Variants in TMTC1 observed in about 807,000 individuals in gnomAD.
The protein encoded by TMTC1 is transmembrane O-mannosyltransferase targeting cadherins 1.
In TMTC1, 73 loss-of-function variants were observed where a neutral mutation model predicts 104.8. That is an observed-to-expected ratio of 0.70 (90% CI 0.58 to 0.85). The LOEUF is 0.85. Ranked by LOEUF, TMTC1 falls within the 40% of genes least tolerant of loss-of-function variation. The pLI is 0.00. For missense variants in TMTC1, 1,035 were observed against 1,096.1 expected (o/e 0.94, Z 0.79); for synonymous variants, 434 against 428.7 (o/e 1.01, Z -0.15).
rs76457887 is a variant in TMTC1 at position 29,703,196 on chromosome 12, C to T, written c.938+48470G>A. Among the ~76,000 whole-genome samples, 1,169 of 150,172 alleles carry T rather than the reference C, an allele frequency of 7.8e-3. 13 individuals carry two copies. The highest frequency in any genetic ancestry group is 0.027 in the African/African-American group (1,096 of 41,030). On this transcript the variant is annotated intron_variant, in intron 5 of 17. Coordinates refer to ENST00000539277, the MANE Select transcript of TMTC1 (RefSeq NM_001193451.2). ...ATGACTTGTGCTTGGGGATACACAG[C>T]ATGAACGGGTGGCAGGAAAAAAACA...
intron 7 of TMTC1, among the ~76,000 whole-genome samples, chr12:29,595,334 C>A (rs1565696143): frequency 6.6e-6 from 1 of 152,218 alleles, no homozygotes; most frequent in South Asian, 2.1e-4. Flanking sequence ...GATCTCCAGC[C>A]CACAGGCACC....
chr12:29,748,863 AAT>A (rs1397058401), intron 5 of TMTC1, among the ~76,000 whole-genome samples: 1 of 152,220 alleles, frequency 6.6e-6, no homozygotes, highest in Non-Finnish European at 1.5e-5. Context: ...CTTAAAATTA[AAT>A]ATGTCATATT....
At chr12:29,764,578 C>G (rs973324934) in intron 2 of TMTC1, among the ~76,000 whole-genome samples, 2 of 152,152 alleles carry the variant, frequency 1.3e-5, no homozygotes, top group Admixed American at 6.6e-5. Context: ...TCTCTGTCCT[C>G]CTCCTACTTA....
rs10400502 is a variant in TMTC1, at chr12:29,503,983, C to T, written c.*2863G>A. On this transcript the variant is annotated 3_prime_UTR_variant, in exon 18 of 18. Coordinates refer to ENST00000539277, the MANE Select transcript of TMTC1 (RefSeq NM_001193451.2). ...CCTGTAGTCTCGGTTACTTGGGAGG[C>T]TGAGGTGGGAGGATCCCTTCAGCCA... The T allele has an allele frequency of 0.18, 27,156 of 151,944 alleles. 2,561 individuals carry two copies. The highest frequency in any genetic ancestry group is 0.34 in the East Asian group (1,768 of 5,162). 9.4% of individuals were successfully genotyped at this position (151,944 alleles called of 1,614,324 possible).
chr12:29,766,833 GC>G (rs1370299842), intron 2 of TMTC1, among the ~76,000 whole-genome samples: 1 of 152,024 alleles, frequency 6.6e-6, no homozygotes, highest in African/African-American at 2.4e-5. Flanking sequence ...TCTACCCCTA[GC>G]CATGCACATC....
At chr12:29,693,061 C>T (rs1565773528) in intron 5 of TMTC1, among the ~76,000 whole-genome samples, 2 of 144,248 alleles carry the variant, frequency 1.4e-5, no homozygotes, top group African/African-American at 2.5e-5. Flanking sequence ...AAGAGTGAAC[C>T]GTAGTAAGGT....
rs376924815 is a variant in TMTC1, at chr12:29,596,163, C to T, written c.1250+8015G>A. 7.9e-5 allele frequency among the ~76,000 whole-genome samples: 12 copies of T among 152,194 alleles called. No individual in the cohort carries two copies. The South Asian group carries it at 1.2e-3, about 16-fold the overall frequency. On this transcript the variant is annotated intron_variant, in intron 7 of 17. Transcript: ENST00000539277. ...CTGCGATTACAGGCATGCGCCACCA[C>T]GCCTGGATAATTTTTGTACTTTTAG... is the stretch of plus-strand genomic sequence containing the variant.
intron 5 of TMTC1, among the ~76,000 whole-genome samples, chr12:29,727,785 T>TTTTTGTTGTTTTTTGTTTTG (rs68082473): frequency 6.6e-6 from 1 of 151,794 alleles, no homozygotes; most frequent in Non-Finnish European, 1.5e-5. Flanking sequence ...TTGTAGCAGT[T>TTTTTGTTGTTTTTTGTTTTG]TTTTGTTTTG....
Position 29,767,948 on chromosome 12 carries a change from C to A in TMTC1, c.430G>T (p.Ala144Ser). 6.2e-7 allele frequency: 1 copy of A among 1,613,914 alleles called. No homozygotes were observed. The highest frequency in any genetic ancestry group is 1.1e-5 in the South Asian group (1 of 91,076). ...GCAAAAAGCAATGCCGTTACAAAAG[C>A]AAGTCCACGATTCTTGAAGACAGTT... is the stretch of plus-strand genomic sequence containing the variant. ...DKTVFKNRGL[A>S]FVTALLFAVH... The change falls in exon 2 of 18, where the codon GCT becomes TCT. Residue 144 changes from alanine (A) to serine (S), a missense_variant. Transcript: ENST00000539277.
chr12:29,707,172 C>A (rs192461563), intron 5 of TMTC1, among the ~76,000 whole-genome samples: 132 of 152,228 alleles, frequency 8.7e-4, no homozygotes, highest in Middle Eastern at 6.8e-3. Flanking sequence ...TGGGGACTGT[C>A]CTGGTTTTAG....
chr12:29,694,264 T>C (rs989228147), intron 5 of TMTC1, among the ~76,000 whole-genome samples: 4 of 152,188 alleles, frequency 2.6e-5, no homozygotes, highest in Admixed American at 6.5e-5. Flanking sequence ...TAACACATAA[T>C]TGTTACTCAA....
At chr12:29,543,624 T>C (rs1474747669) in intron 10 of TMTC1, among the ~76,000 whole-genome samples, 1 of 152,214 alleles carries the variant, frequency 6.6e-6, no homozygotes, top group African/African-American at 2.4e-5. Flanking sequence ...ATCATGGTTT[T>C]TTTTGGCATA....
In TMTC1 at chr12:29,779,754, G is replaced by A. The variant is rs915448173; in HGVS notation, c.302+3696C>T. Among the ~76,000 whole-genome samples the A allele has an allele frequency of 3.3e-5, 5 of 152,026 alleles. No homozygotes were observed. In the East Asian group the frequency reaches 5.8e-4, roughly 18 times the overall value. On this transcript the variant is annotated intron_variant, in intron 1 of 17. Coordinates refer to ENST00000539277, the MANE Select transcript of TMTC1 (RefSeq NM_001193451.2). ...GGACAAAAAGACAAGCTACAGAGTG[G>A]GAGAAAATATTTACCAATCACATAC...
rs1270359373 is a variant in TMTC1 at position 29,525,242 on chromosome 12, G to A, written c.1786-4522C>T. The stretch of plus-strand genomic sequence containing the variant: ...CTGTCACCCAGGCTGGAGTGCAATG[G>A]CAGGATCTCAGCTCACCGCAACCTC... On this transcript the variant is annotated intron_variant, in intron 11 of 17. Coordinates refer to ENST00000539277, the MANE Select transcript of TMTC1 (RefSeq NM_001193451.2). Among the ~76,000 whole-genome samples the A allele has an allele frequency of 1.2e-4, 16 of 132,510 alleles. No homozygotes were observed. The South Asian group carries it at 3.6e-3, about 30-fold the overall frequency. The allele number at this position is 132,510 out of a possible 152,430, so 86.9% of individuals were successfully genotyped here.
chr12:29,721,988 T>G (rs777099197), intron 5 of TMTC1, among the ~76,000 whole-genome samples: 1 of 152,196 alleles, frequency 6.6e-6, no homozygotes, highest in Non-Finnish European at 1.5e-5. Context: ...TCTGGCTTAA[T>G]AGATGCCTAT....
At chr12:29,508,953 T>C (rs1204781878) in intron 17 of TMTC1, among the ~76,000 whole-genome samples, 2 of 152,208 alleles carry the variant, frequency 1.3e-5, no homozygotes, top group East Asian at 3.9e-4. Flanking sequence ...GGTAAAAAAA[T>C]CTGAATTATC....
rs117314065 is a variant in TMTC1 at position 29,639,376 on chromosome 12, T to C, written c.939-6040A>G. Among the ~76,000 whole-genome samples the C allele has an allele frequency of 5.8e-4, 89 of 152,250 alleles. 2 individuals are homozygous for C. The East Asian group carries it at 0.016, about 27-fold the overall frequency. ...GCCACCCAAGAGTAATAGCTTCAAA[T>C]TGTAAATAAACATGACATTTTTAAA... is the stretch of plus-strand genomic sequence containing the variant. On this transcript the variant is annotated intron_variant, in intron 5 of 17. Transcript: ENST00000539277.
intron 5 of TMTC1, among the ~76,000 whole-genome samples, chr12:29,700,072 AGGG>A (rs1156615803): frequency 6.6e-6 from 1 of 152,090 alleles, no homozygotes. Context: ...CTTTAGAGAT[AGGG>A]TCTTGTTCTG....
chr12:29,718,993 GATAA>G (rs1565791720), intron 5 of TMTC1, among the ~76,000 whole-genome samples: 1 of 150,342 alleles, frequency 6.7e-6, no homozygotes, highest in Non-Finnish European at 1.5e-5. Flanking sequence ...TAAACCTGTA[GATAA>G]ATAAAAAGAA....
Sources: gnomAD v4.1 joint callset for allele counts (sites outside exome capture counted in the v4.1 genomes callset) on GRCh38, gnomAD v4.1.1 for gene constraint, MANE v1.5 for transcripts, NCBI Gene and HGNC (gene_info 2026-07-23, HGNC 2026-07-21) for gene names.